NWD1: variants seen among roughly 807,000 people sequenced by gnomAD.
The protein encoded by NWD1 is NACHT domain- and WD repeat-containing protein 1.
A neutral mutation model predicts 135.1 loss-of-function variants in NWD1; 129 were observed. The ratio of observed to expected loss-of-function variants is 0.96; its 90% CI spans 0.83 to 1.11. The LOEUF (loss-of-function observed/expected upper bound fraction) is 1.11. NWD1 is among the 50% of genes least tolerant of loss of function. The pLI is 0.00. For synonymous variants in NWD1, 773 were observed against 786.0 expected (o/e 0.98, Z 0.28); for missense variants, 1,740 against 1,851.3 (o/e 0.94, Z 1.10).
At position 16,794,550 on chromosome 19, in the gene NWD1, G is replaced by T. The variant is rs780587163; in HGVS notation, c.3301G>T (p.Ala1101Ser). Residue 1101 changes from alanine to serine, a missense_variant, in exon 15 of 19, where the codon GCA (alanine) becomes TCA (serine). Physicochemically the swap from Ala to Ser is moderately conservative, Grantham distance 99 (BLOSUM62 1). Coordinates refer to ENST00000524140, the MANE Select transcript of NWD1 (RefSeq NM_001007525.5). Reference protein sequence around the residue: ...VVSEDESLLAAGFGRSVRIFL... With the variant: ...VVSEDESLLASGFGRSVRIFL... The stretch of plus-strand genomic sequence containing the variant: ...CTCTGAAGATGAGTCCCTCCTCGCC[G>T]CAGGTAGCGTTTAGCTCTCATTTGG... 6.3e-7 allele frequency: 1 copy of T among 1,596,128 alleles called. No individual in the cohort carries two copies. The highest frequency in any genetic ancestry group is 8.6e-7 in the Non-Finnish European group (1 of 1,167,432).
At chr19:16,740,313 A>G (rs576622254) in intron 4 of NWD1, among the ~76,000 whole-genome samples, 2 of 152,094 alleles carry the variant, frequency 1.3e-5, no homozygotes, top group East Asian at 1.9e-4. Flanking sequence ...GAAAAAAAGA[A>G]GAAAAAAGAA....
chr19:16,806,164 C>T (rs1236104409), intron 17 of NWD1, among the ~76,000 whole-genome samples: 1 of 152,128 alleles, frequency 6.6e-6, no homozygotes, highest in African/African-American at 2.4e-5. Flanking sequence ...TGAGTCACCA[C>T]GCCCTGCCAT....
intron 8 of NWD1, among the ~76,000 whole-genome samples, chr19:16,763,479 A>C (rs958387380): frequency 1.3e-5 from 2 of 152,076 alleles, no homozygotes; most frequent in African/African-American, 2.4e-5. Flanking sequence ...TCACACCTCC[A>C]GACCTTTGCC....
intron 12 of NWD1, among the ~76,000 whole-genome samples, chr19:16,782,133 C>T (rs1969877511): frequency 6.8e-6 from 1 of 147,434 alleles, no homozygotes; most frequent in Admixed American, 6.9e-5. Context: ...TCTAATCTAA[C>T]CCTTTTATGT....
In NWD1 at chr19:16,759,323, T is replaced by C; in HGVS notation, c.1868T>C (p.Leu623Pro). The change falls in exon 7 of 19, where the codon CTG becomes CCG. Residue 623 changes from leucine to proline, a missense_variant. Leu to Pro is a moderately conservative substitution (Grantham distance 98, BLOSUM62 -3). Coordinates refer to ENST00000524140, the MANE Select transcript of NWD1 (RefSeq NM_001007525.5). ...YRDWTPPSKE[L>P]LRFPPLLWVR... The stretch of plus-strand genomic sequence containing the variant: ...GATTGGACCCCGCCCAGCAAGGAGC[T>C]GCTGCGCTTCCCGCCCCTGCTGTGG... 1.2e-6 allele frequency: 2 copies of C among 1,614,036 alleles called. No homozygotes were observed. The highest frequency in any genetic ancestry group is 1.7e-6 in the Non-Finnish European group (2 of 1,179,956).
rs940518577 is a variant in NWD1, at chr19:16,744,727, G to A, written c.496+9G>A. On this transcript the variant is annotated intron_variant, in intron 5 of 18. Coordinates refer to ENST00000524140, the MANE Select transcript of NWD1 (RefSeq NM_001007525.5). ...GCACTACCACCGGTCAGGTGAGGCCGCAGGGACTCCCCTCTGGAGACCCAC... is the reference window on the plus strand; with the variant it reads ...GCACTACCACCGGTCAGGTGAGGCCACAGGGACTCCCCTCTGGAGACCCAC... 98 of 1,533,716 alleles carry A rather than the reference G, an allele frequency of 6.4e-5. No homozygotes were observed. Among genetic ancestry groups the A allele is most frequent in the Non-Finnish European group, 7.6e-5 (87 of 1,144,946 alleles).
At position 16,750,359 on chromosome 19, in the gene NWD1, A is replaced by T; in HGVS notation, c.1717A>T (p.Thr573Ser). The T allele has an allele frequency of 6.2e-7, 1 of 1,608,034 alleles. No homozygotes were observed. The highest frequency in any genetic ancestry group is 8.5e-7 in the Non-Finnish European group (1 of 1,177,746). Residue 573 changes from threonine to serine, a missense_variant, in exon 6 of 19, where the codon ACA becomes TCA. Transcript: ENST00000524140. ...CCAACTCTGCACCCGCCTGGAGCAG[A>T]CACACGGGCAGCTCCTCGTGGCCCA... ...THQLCTRLEQ[T>S]HGQLLVAHVL...
chr19:16,733,998 G>C (rs572618132), intron 3 of NWD1, among the ~76,000 whole-genome samples: 1 of 152,068 alleles, frequency 6.6e-6, no homozygotes, highest in Non-Finnish European at 1.5e-5. Context: ...GGACTGTTCC[G>C]AGTTGTCTTT....
At chr19:16,799,849 A>G in intron 16 of NWD1, 37 bp from the exon 17 acceptor site, 2 of 1,549,118 alleles carry the variant, frequency 1.3e-6, no homozygotes, top group Non-Finnish European at 1.7e-6. Flanking sequence ...TTGTCCACAG[A>G]AGATGTCAGA....
intron 11 of NWD1, among the ~76,000 whole-genome samples, chr19:16,778,199 C>T (rs574310031): frequency 4.1e-4 from 63 of 152,200 alleles, no homozygotes; most frequent in African/African-American, 1.3e-3. Context: ...AAAGGACTTC[C>T]TTTCTTTACT....
intron 6 of NWD1, among the ~76,000 whole-genome samples, chr19:16,758,084 G>A (rs1236930804): frequency 6.6e-6 from 1 of 151,382 alleles, no homozygotes; most frequent in Non-Finnish European, 1.5e-5. Context: ...AAAGAGTACA[G>A]TGTTGGGTAT....
chr19:16,793,319 G>A (rs1489345017), intron 14 of NWD1, among the ~76,000 whole-genome samples: 3 of 151,754 alleles, frequency 2.0e-5, no homozygotes, highest in African/African-American at 7.3e-5. Flanking sequence ...CTGCAGCCTC[G>A]ACCTCCCGGG....
chr19:16,740,284 G>A (rs976938281), intron 4 of NWD1, among the ~76,000 whole-genome samples: 4 of 152,004 alleles, frequency 2.6e-5, no homozygotes, highest in Admixed American at 2.6e-4. Context: ...GGGTGCCAGA[G>A]GAAGAGTCTG....
rs963453075 is a variant in NWD1, at chr19:16,767,982, C to CTTT, written c.2410+2813_2410+2815dup. On this transcript the variant is annotated intron_variant, in intron 10 of 18. Transcript: ENST00000524140. The stretch of plus-strand genomic sequence containing the variant: ...TGTAGCATATGTCAGAATTTCCTTC[C>CTTT]TTTTTTTTTTTTTTTTTTTTTTTTT... Among the ~76,000 whole-genome samples the CTTT allele has an allele frequency of 1.3e-3, 112 of 83,596 alleles. 2 individuals carry two copies. Among genetic ancestry groups the CTTT allele is most frequent in the Non-Finnish European group, 1.5e-3 (68 of 45,086 alleles). 54.8% of individuals were successfully genotyped at this position (83,596 alleles called of 152,430 possible). A position where few individuals can be genotyped will look rare whatever the true frequency, so the allele number is the denominator to read the frequency against.
At chr19:16,750,875 A>C (rs1035297383) in intron 6 of NWD1, among the ~76,000 whole-genome samples, 3 of 152,130 alleles carry the variant, frequency 2.0e-5, no homozygotes, top group African/African-American at 7.2e-5. Context: ...TAAAAGAAAG[A>C]AAGGACTGCC....
chr19:16,774,602 A>G (rs186940511), intron 11 of NWD1, among the ~76,000 whole-genome samples: 36 of 150,390 alleles, frequency 2.4e-4, no homozygotes, highest in Non-Finnish European at 1.5e-4. Flanking sequence ...TCATTAATCT[A>G]TCCATCCATC....
At chr19:16,809,196 G>T (rs552176960) in intron 18 of NWD1, among the ~76,000 whole-genome samples, 1 of 151,104 alleles carries the variant, frequency 6.6e-6, no homozygotes, top group East Asian at 2.0e-4. Context: ...CAACTCTCCC[G>T]CCTCGGCCTC....
Position 16,750,168 on chromosome 19 carries a change from C to T in NWD1, c.1526C>T (p.Ala509Val), listed in dbSNP as rs1968514905. 6.2e-7 allele frequency: 1 copy of T among 1,613,576 alleles called. No individual in the cohort carries two copies. The highest frequency in any genetic ancestry group is 1.1e-5 in the South Asian group (1 of 91,028). ...QGQQMIQLLL[A>V]AARRTLSPVH... ...CAGCAGATGATCCAACTCCTGCTGG[C>T]AGCTGCAAGGAGGACGCTGAGCCCG... Residue 509 changes from alanine (A) to valine (V), a missense_variant, in exon 6 of 19, where the codon GCA (alanine) becomes GTA (valine). Ala to Val is a moderately conservative substitution (Grantham distance 64, BLOSUM62 0). Coordinates refer to ENST00000524140, the MANE Select transcript of NWD1 (RefSeq NM_001007525.5).
intron 2 of NWD1, among the ~76,000 whole-genome samples, chr19:16,727,848 G>A (rs1273853730): frequency 6.6e-6 from 1 of 152,066 alleles, no homozygotes; most frequent in African/African-American, 2.4e-5. Flanking sequence ...ATCACTTGAG[G>A]TCAAGAGTTG....
Sources: gnomAD v4.1 joint callset for allele counts (sites outside exome capture counted in the v4.1 genomes callset) on GRCh38, gnomAD v4.1.1 for gene constraint, MANE v1.5 for transcripts, NCBI Gene and HGNC (gene_info 2026-07-23, HGNC 2026-07-21) for gene names.